The following CHD5 variants were observed in gnomAD, a reference collection of about 807,000 sequenced individuals.
CHD5 encodes the protein ATP-dependent chromatin remodeler CHD5.
In CHD5, 69 loss-of-function variants were observed where a neutral mutation model predicts 230.3. The ratio of observed to expected loss-of-function variants is 0.30; its 90% confidence interval spans 0.25 to 0.37. The LOEUF (loss-of-function observed/expected upper bound fraction) is 0.37, where lower values mean the gene tolerates loss of function less well. CHD5 is among the 10% of genes least tolerant of loss of function. The pLI, the probability that CHD5 is intolerant of heterozygous loss-of-function variation, is 1.00. For synonymous variants in CHD5, 1,064 were observed against 1,065.9 expected (o/e 1.00, Z 0.03); for missense variants, 1,827 against 2,622.8 (o/e 0.70, Z 6.63).
chr1:6,168,098 C>A, intron 2 of CHD5, 52 bp downstream of exon 2: 1 of 1,553,726 alleles, frequency 6.4e-7, no homozygotes, highest in South Asian at 1.2e-5. Context: ...CGGGCAGATG[C>A]AGCCACAACC....
At chr1:6,117,562 T>C (rs1246336695) in intron 33 of CHD5, among the ~76,000 whole-genome samples, 2 of 152,174 alleles carry the variant, frequency 1.3e-5, no homozygotes. Context: ...TATTGATTAA[T>C]TAATTTAAAA....
intron 7 of CHD5, 68 bp from the exon 8 acceptor site, chr1:6,149,480 C>G: frequency 6.7e-7 from 1 of 1,501,198 alleles, no homozygotes; most frequent in Non-Finnish European, 9.0e-7. Flanking sequence ...AACTGCATCG[C>G]CCCAGGCCAG....
chr1:6,126,667 T>C lies in CHD5; in HGVS notation c.3983A>G (p.Tyr1328Cys). 4 of 1,613,974 alleles carry C rather than the reference T, an allele frequency of 2.5e-6. No homozygotes were observed. The highest frequency in any genetic ancestry group is 3.4e-6 in the Non-Finnish European group (4 of 1,179,956). ...GGCCAGGTCCTCCTGCTGCTGCTCA[T>C]AGTGGTGCCGCAGCAGCTTCTCCCA... ...DYWEKLLRHH[Y>C]EQQQEDLARN... Residue 1328 changes from tyrosine to cysteine, a missense_variant, in exon 26 of 42, where the codon TAT (tyrosine) becomes TGT (cysteine). Physicochemically the swap from Tyr to Cys is radical, Grantham distance 194. Coordinates refer to ENST00000262450, the MANE Select transcript of CHD5 (RefSeq NM_015557.3). This position sits in a 1 kb window ranked among gnomAD's most constrained non-coding sequence, Gnocchi z 5.7.
intron 33 of CHD5, among the ~76,000 whole-genome samples, chr1:6,115,138 C>T (rs1666359452): frequency 6.6e-6 from 1 of 151,906 alleles, no homozygotes; most frequent in Non-Finnish European, 1.5e-5. Context: ...CAGTGAAACC[C>T]TGTCTCTACT....
Position 6,136,603 on chromosome 1 carries a change from G to A in CHD5, c.2610C>T (p.Tyr870=), listed in dbSNP as rs1666749879. 1.9e-6 allele frequency: 3 copies of A among 1,614,088 alleles called. No homozygotes were observed. The highest frequency in any genetic ancestry group is 1.3e-5 in the African/African-American group (1 of 74,956). The change falls in exon 17 of 42, where the codon TAC becomes TAT. Residue 870 remains tyrosine, a synonymous_variant. Transcript: ENST00000262450. ...FRVLNSYKID[Y]KLLLTGTPLQ... ...GGGGGGTCCCTGTCAGCAGCAGCTT[G>A]TAATCAATCTTGTAGCTGTTTAAGA...
At position 6,132,880 on chromosome 1, in the gene CHD5, T is replaced by TTCTCTCTCTCTCTCTCTCTC. The variant is rs111561200; in HGVS notation, c.3145-1152_3145-1133dup. Among the ~76,000 whole-genome samples the TTCTCTCTCTCTCTCTCTCTC allele has an allele frequency of 1.5e-3, 222 of 144,500 alleles. 2 individuals carry two copies. The highest frequency in any genetic ancestry group is 5.4e-3 in the African/African-American group (213 of 39,132). 94.8% of individuals were successfully genotyped at this position (144,500 alleles called of 152,430 possible). A position where few individuals can be genotyped will look rare whatever the true frequency, so the allele number is the denominator to read the frequency against. On this transcript the variant is annotated intron_variant, in intron 20 of 41. Coordinates refer to ENST00000262450, the MANE Select transcript of CHD5 (RefSeq NM_015557.3). ...AGTCTTTTCAGGCTATCCTATTCTT[T>TTCTCTCTCTCTCTCTCTCTC]TCTCTCTCTCTCTCTCTCTCTCTCT...
Position 6,146,152 on chromosome 1 carries a change from AAAG to A in CHD5, c.1802+57_1802+59del. Reference sequence around the variant, plus strand: ...CTGCGCTGCACCCATTTTACAGGGCAAAGAAGCTGACGTGGCCCGGCCCCAGCG... The same window carrying A: ...CTGCGCTGCACCCATTTTACAGGGCAAAGCTGACGTGGCCCGGCCCCAGCG... On this transcript the variant is annotated intron_variant, in intron 11 of 41. Coordinates refer to ENST00000262450, the MANE Select transcript of CHD5 (RefSeq NM_015557.3). The surrounding 1 kb of genome is among the most constrained non-coding windows in gnomAD (Gnocchi z 5.1). The A allele has an allele frequency of 3.2e-6, 5 of 1,556,594 alleles. No individual in the cohort carries two copies. In the South Asian group the frequency reaches 5.7e-5, roughly 18 times the overall value.
At chr1:6,140,967 AAAT>A (rs60543576) in intron 15 of CHD5, among the ~76,000 whole-genome samples, 73,429 of 139,644 alleles carry the variant, frequency 0.53, 19,569 homozygotes, top group Non-Finnish European at 0.59. Flanking sequence ...CCCTGTCTCA[AAAT>A]AATAATAATA....
In CHD5 at chr1:6,155,177, G is replaced by A. The variant is rs981298022; in HGVS notation, c.507-279C>T. Among the ~76,000 whole-genome samples the A allele has an allele frequency of 1.6e-4, 23 of 145,434 alleles. No homozygotes were observed. The highest frequency in any genetic ancestry group is 5.7e-4 in the African/African-American group (22 of 38,366). Reference sequence around the variant, plus strand: ...ACCCAGCTTCCTGTCCACACCCACAGCCCACCCCCAAAACACCCCAGCTTC... The same window carrying A: ...ACCCAGCTTCCTGTCCACACCCACAACCCACCCCCAAAACACCCCAGCTTC... On this transcript the variant is annotated intron_variant, in intron 4 of 41. Coordinates refer to ENST00000262450, the MANE Select transcript of CHD5 (RefSeq NM_015557.3). The surrounding 1 kb of genome is among the most constrained non-coding windows in gnomAD (Gnocchi z 4.0).
At position 6,159,513 on chromosome 1, in the gene CHD5, C is replaced by T. The variant is rs1292996588; in HGVS notation, c.210G>A (p.Gly70=). 6.3e-7 allele frequency: 1 copy of T among 1,596,274 alleles called. No individual in the cohort carries two copies. The highest frequency in any genetic ancestry group is 2.3e-5 in the East Asian group (1 of 44,378). ...KCKGKRKKKE[G]SNDELSENEE... ...CATTCTCTGATAGCTCATCATTGCTCCCCTGGAAAAGAAGGGGGACAGTGA... is the reference window on the plus strand; with the variant it reads ...CATTCTCTGATAGCTCATCATTGCTTCCCTGGAAAAGAAGGGGGACAGTGA... Residue 70 remains glycine, a splice_region_variant and synonymous_variant, in exon 3 of 42, where the codon GGG becomes GGA. Transcript: ENST00000262450.
At chr1:6,170,433 CCGGGGCT>C (rs1246211966) in intron 1 of CHD5, among the ~76,000 whole-genome samples, 1 of 152,192 alleles carries the variant, frequency 6.6e-6, no homozygotes, top group Admixed American at 6.5e-5. Context: ...CTCGGGGGCA[CCGGGGCT>C]CTGGTGGCTG....
chr1:6,128,318 C>G lies in CHD5; in HGVS notation c.3731-100G>C. On this transcript the variant is annotated intron_variant, in intron 24 of 41. Coordinates refer to ENST00000262450, the MANE Select transcript of CHD5 (RefSeq NM_015557.3). The surrounding 1 kb of genome is among the most constrained non-coding windows in gnomAD (Gnocchi z 7.8). ...CAACAATGGCCCTTCCCATCCCCAG[C>G]AGGGGCTGCAGCTGAGAGGCATGGT... is the stretch of plus-strand genomic sequence containing the variant. 1 of 1,265,170 alleles carries G rather than the reference C, an allele frequency of 7.9e-7. No individual in the cohort carries two copies. Among genetic ancestry groups the G allele is most frequent in the Non-Finnish European group, 1.1e-6 (1 of 896,940 alleles). 78.4% of individuals were successfully genotyped at this position (1,265,170 alleles called of 1,614,324 possible).
Position 6,128,783 on chromosome 1 carries a change from G to A in CHD5, c.3619+55C>T. The A allele has an allele frequency of 6.7e-7, 1 of 1,489,328 alleles. No individual in the cohort carries two copies. The highest frequency in any genetic ancestry group is 9.3e-7 in the Non-Finnish European group (1 of 1,074,582). The allele number at this position is 1,489,328 out of a possible 1,614,324, so 92.3% of individuals were successfully genotyped here. A position where few individuals can be genotyped will look rare whatever the true frequency, so the allele number is the denominator to read the frequency against. The stretch of plus-strand genomic sequence containing the variant: ...GGACCCAAGCAAGCCCTGGATGGGT[G>A]TCTCAGCCGGGCCACCCCAGTCCCC... On this transcript the variant is annotated intron_variant, in intron 23 of 41. Transcript: ENST00000262450. This position sits in a 1 kb window ranked among gnomAD's most constrained non-coding sequence, Gnocchi z 7.8.
At position 6,154,937 on chromosome 1, in the gene CHD5, G is replaced by A. The variant is rs778363404; in HGVS notation, c.507-39C>T. ...GGCAGGAGGGTGAGGGCAAGGCCAGGTGAGATGAGAGGCCCACCCGACCCC... is the reference window on the plus strand; with the variant it reads ...GGCAGGAGGGTGAGGGCAAGGCCAGATGAGATGAGAGGCCCACCCGACCCC... On this transcript the variant is annotated intron_variant, in intron 4 of 41. Transcript: ENST00000262450. This position sits in a 1 kb window ranked among gnomAD's most constrained non-coding sequence, Gnocchi z 7.0. 1.3e-6 allele frequency: 2 copies of A among 1,582,286 alleles called. No individual in the cohort carries two copies. The highest frequency in any genetic ancestry group is 1.1e-5 in the South Asian group (1 of 88,204).
Position 6,159,348 on chromosome 1 carries a change from A to G in CHD5, c.375T>C (p.Asp125=), listed in dbSNP as rs2100872806. The change falls in exon 3 of 42, where the codon GAT becomes GAC. Residue 125 remains aspartate, a synonymous_variant. Coordinates refer to ENST00000262450, the MANE Select transcript of CHD5 (RefSeq NM_015557.3). The part of the protein sequence containing the change: ...KKDEDEDDND[D]GCLKEPKSSG... The stretch of plus-strand genomic sequence containing the variant: ...CCTCCACAGTTACCTTTAAGCATCC[A>G]TCATCATTATCATCCTCATCCTCAT... 6.4e-7 allele frequency: 1 copy of G among 1,551,382 alleles called. No homozygotes were observed. The highest frequency in any genetic ancestry group is 8.7e-7 in the Non-Finnish European group (1 of 1,146,838).
In CHD5 at chr1:6,105,128, C is replaced by T. The variant is rs1332778952; in HGVS notation, c.*346G>A. 3.0e-6 allele frequency: 1 copy of T among 336,216 alleles called. No individual in the cohort carries two copies. The highest frequency in any genetic ancestry group is 2.2e-5 in the African/African-American group (1 of 46,256). The allele number at this position is 336,216 out of a possible 1,614,324, so 20.8% of individuals were successfully genotyped here. On this transcript the variant is annotated 3_prime_UTR_variant, in exon 42 of 42. Transcript: ENST00000262450. The surrounding 1 kb of genome is among the most constrained non-coding windows in gnomAD (Gnocchi z 4.8). Reference sequence around the variant, plus strand: ...CAACTTTTATCAAGACAAACGTGTTCAAGTCTTCAATAGGAAAGTGCAAAA... The same window carrying T: ...CAACTTTTATCAAGACAAACGTGTTTAAGTCTTCAATAGGAAAGTGCAAAA...
In CHD5 at chr1:6,131,435, T is replaced by C. The variant is rs1368090907; in HGVS notation, c.3262+196A>G. The stretch of plus-strand genomic sequence containing the variant: ...CTAACTCCATTCCCAACAGGTGTTA[T>C]CTACTGGGCCCCTCAGAACTCCGAT... On this transcript the variant is annotated intron_variant, in intron 21 of 41. Coordinates refer to ENST00000262450, the MANE Select transcript of CHD5 (RefSeq NM_015557.3). This position sits in a 1 kb window ranked among gnomAD's most constrained non-coding sequence, Gnocchi z 5.0. Among the ~76,000 whole-genome samples the C allele has an allele frequency of 6.6e-6, 1 of 152,226 alleles. No individual in the cohort carries two copies. The highest frequency in any genetic ancestry group is 2.4e-5 in the African/African-American group (1 of 41,456).
chr1:6,126,510 G>A lies in CHD5; in HGVS notation c.4078+62C>T. 6.9e-7 allele frequency: 1 copy of A among 1,456,978 alleles called. No individual in the cohort carries two copies. Among genetic ancestry groups the A allele is most frequent in the African/African-American group, 1.4e-5 (1 of 72,064 alleles). 90.3% of individuals were successfully genotyped at this position (1,456,978 alleles called of 1,614,324 possible). ...GGTTCTGCACAGGGATGCCCTGACA[G>A]AATCCTGCCCCACCCTCCGCCTCTG... On this transcript the variant is annotated intron_variant, in intron 26 of 41. Transcript: ENST00000262450. This position sits in a 1 kb window ranked among gnomAD's most constrained non-coding sequence, Gnocchi z 5.7.
rs950511195 is a variant in CHD5 at position 6,131,707 on chromosome 1, G to A, written c.3186C>T (p.Tyr1062=). 8 of 1,613,386 alleles carry A rather than the reference G, an allele frequency of 5.0e-6. No homozygotes were observed. The highest frequency in any genetic ancestry group is 3.3e-5 in the Admixed American group (2 of 59,994). The change falls in exon 21 of 42, where the codon TAC becomes TAT. Residue 1062 remains tyrosine (Y), a synonymous_variant. Transcript: ENST00000262450. This position sits in a 1 kb window ranked among gnomAD's most constrained non-coding sequence, Gnocchi z 5.0. ...MLDLLEDFLE[Y]EGYKYERIDG... ...CAATCCGCTCATACTTGTAGCCTTC[G>A]TACTCCAGGAAGTCCTCCAGGAGGT...
Sources: allele counts gnomAD v4.1 joint callset (sites outside exome capture counted in the v4.1 genomes callset), GRCh38; gene constraint gnomAD v4.1.1; non-coding constraint Gnocchi (gnomAD v3.1); transcripts MANE v1.5; gene names NCBI Gene and HGNC (gene_info 2026-07-23, HGNC 2026-07-21).